The following MAPRE2 variants were observed in gnomAD, a reference collection of about 807,000 sequenced individuals.
MAPRE2 encodes microtubule associated protein RP/EB family member 2.
MAPRE2 carries 13 observed loss-of-function variants against 43.2 expected under a neutral mutation model. The ratio of observed to expected loss-of-function variants is 0.30; its 90% CI spans 0.20 to 0.48. The LOEUF (loss-of-function observed/expected upper bound fraction) is 0.48. Ranked by LOEUF, MAPRE2 falls within the 20% of genes least tolerant of loss-of-function variation. The probability of loss-of-function intolerance (pLI) is 0.99; values close to 1 mark genes in which losing one functional copy is unlikely to be tolerated. For synonymous variants in MAPRE2, 135 were observed against 148.8 expected (o/e 0.91, Z 0.68); for missense variants, 161 against 400.2 (o/e 0.40, Z 5.10).
chr18:35,005,392 G>A, intron 1 of MAPRE2: 1 of 618,826 alleles, frequency 1.6e-6, no homozygotes. Context: ...TTTTTCCATT[G>A]CTGGCCACAC....
chr18:35,085,636 G>A (rs774561412), intron 2 of MAPRE2, among the ~76,000 whole-genome samples: 1 of 152,184 alleles, frequency 6.6e-6, no homozygotes, highest in Non-Finnish European at 1.5e-5. Context: ...CTAGAAGCAA[G>A]AGCACTGGCA....
At position 35,112,272 on chromosome 18, in the gene MAPRE2, AG is replaced by A. The variant is rs566400674; in HGVS notation, c.610+10114del. 2.5e-3 allele frequency among the ~76,000 whole-genome samples: 373 copies of A among 151,688 alleles called. 2 individuals are homozygous for A. The highest frequency in any genetic ancestry group is 4.5e-3 in the Non-Finnish European group (304 of 67,920). On this transcript the variant is annotated intron_variant, in intron 4 of 6. Transcript: ENST00000300249. ...AACCTCCGCCTCCTGGGTTCAATCA[AG>A]CAATTCTGCTGTCTCAGCCTCCCGA...
At chr18:34,980,023 C>CTTTTTTTTTTTTTTTTTTTTTT (rs1450524683) in intron 1 of MAPRE2, among the ~76,000 whole-genome samples, 7 of 132,502 alleles carry the variant, frequency 5.3e-5, no homozygotes, top group African/African-American at 2.1e-4. Context: ...TTTTCTTTTT[C>CTTTTTTTTTTTTTTTTTTTTTT]TTTTTTTCTT....
Position 35,070,207 on chromosome 18 carries a change from G to A in MAPRE2, c.135G>A (p.Ala45=), listed in dbSNP as rs748932103. ...GTTTTTTTTCTAGTTGGGGAATGGC[G>A]GTCAATGTGTATTCTACCTCGATAA... is the stretch of plus-strand genomic sequence containing the variant. ...RGERSYSWGM[A]VNVYSTSITQ... is the part of the protein sequence containing the mutation. Residue 45 remains alanine (A), a synonymous_variant, in exon 2 of 7, where the codon GCG becomes GCA. Coordinates refer to ENST00000300249, the MANE Select transcript of MAPRE2 (RefSeq NM_014268.4). 8.2e-6 allele frequency: 13 copies of A among 1,588,146 alleles called. No homozygotes were observed. The highest frequency in any genetic ancestry group is 5.5e-5 in the Admixed American group (3 of 54,122).
chr18:35,099,373 G>T (rs1908571080), intron 3 of MAPRE2, among the ~76,000 whole-genome samples: 1 of 152,208 alleles, frequency 6.6e-6, no homozygotes, highest in African/African-American at 2.4e-5. Context: ...CCAACACTTT[G>T]GGAGGCCAAG....
intron 4 of MAPRE2, among the ~76,000 whole-genome samples, chr18:35,114,946 A>ATC (rs1909346273): frequency 6.6e-6 from 1 of 152,244 alleles, no homozygotes; most frequent in Non-Finnish European, 1.5e-5. Context: ...ACAGTGACTT[A>ATC]GGATTCATTC....
At chr18:35,100,868 C>G (rs377524942) in intron 3 of MAPRE2, among the ~76,000 whole-genome samples, 1 of 151,976 alleles carries the variant, frequency 6.6e-6, no homozygotes, top group Non-Finnish European at 1.5e-5. Flanking sequence ...TGTGAAACCC[C>G]GTCTCTACTA....
rs1025612079 is a variant in MAPRE2 at position 35,127,989 on chromosome 18, T to G, written c.750+902T>G. ...CTACCCTGCCGCTATGAGAGGAGCC[T>G]TTACTTCAGGGCCCCAGGCTGTTCC... is the stretch of plus-strand genomic sequence containing the variant. On this transcript the variant is annotated intron_variant, in intron 5 of 6. Transcript: ENST00000300249. 1.8e-4 allele frequency among the ~76,000 whole-genome samples: 28 copies of G among 152,202 alleles called. 1 individual carries two copies. The highest frequency in any genetic ancestry group is 5.8e-4 in the African/African-American group (24 of 41,442).
At chr18:35,004,003 A>G (rs1293880065) in intron 1 of MAPRE2, among the ~76,000 whole-genome samples, 1 of 152,204 alleles carries the variant, frequency 6.6e-6, no homozygotes, top group East Asian at 1.9e-4. Flanking sequence ...TACACCATTC[A>G]TGTTAAGTTT....
chr18:35,098,895 G>A (rs1908548066), intron 3 of MAPRE2, among the ~76,000 whole-genome samples: 1 of 152,198 alleles, frequency 6.6e-6, no homozygotes. Flanking sequence ...GAAGGAGACT[G>A]GCCATGATGG....
At chr18:35,026,339 C>G (rs1023886707) in intron 2 of MAPRE2, among the ~76,000 whole-genome samples, 2 of 152,110 alleles carry the variant, frequency 1.3e-5, no homozygotes, top group South Asian at 2.1e-4. Flanking sequence ...GAGAAGCTTC[C>G]TCATTAAATG....
At chr18:35,132,218 T>G in intron 6 of MAPRE2, 28 bp downstream of exon 6, 1 of 1,608,192 alleles carries the variant, frequency 6.2e-7, no homozygotes, top group Non-Finnish European at 8.5e-7. Context: ...GTGACTCCTG[T>G]GTTCTAAAAT....
chr18:35,113,018 T>G (rs910492426), intron 4 of MAPRE2, among the ~76,000 whole-genome samples: 3 of 152,184 alleles, frequency 2.0e-5, no homozygotes, highest in African/African-American at 7.2e-5. Flanking sequence ...TTGATCTCAT[T>G]CATGAGGGAT....
chr18:35,013,281 T>C (rs2097035964), intron 2 of MAPRE2, among the ~76,000 whole-genome samples: 1 of 152,070 alleles, frequency 6.6e-6, no homozygotes, highest in African/African-American at 2.4e-5. Context: ...GAAGAAGAGT[T>C]GATTTAAGGT....
intron 3 of MAPRE2, among the ~76,000 whole-genome samples, chr18:35,100,576 A>G (rs61537412): frequency 6.0e-4 from 91 of 152,224 alleles, no homozygotes; most frequent in Admixed American, 7.9e-4. Context: ...ATGCCCATCA[A>G]TGACAAATTG....
At position 35,140,596 on chromosome 18, in the gene MAPRE2, A is replaced by G; in HGVS notation, c.*227A>G. 3.9e-6 allele frequency: 2 copies of G among 511,958 alleles called. No homozygotes were observed. The highest frequency in any genetic ancestry group is 7.0e-6 in the Non-Finnish European group (2 of 285,916). 31.7% of individuals were successfully genotyped at this position (511,958 alleles called of 1,614,324 possible). On this transcript the variant is annotated 3_prime_UTR_variant, in exon 7 of 7. Transcript: ENST00000300249. ...CCTACCCGAGAGATCGTAGGGTCAC[A>G]TACATCCAACTTCACCACTTGGCTG...
intron 1 of MAPRE2, among the ~76,000 whole-genome samples, chr18:35,058,224 A>C (rs970946809): frequency 2.6e-5 from 4 of 152,178 alleles, no homozygotes; most frequent in Non-Finnish European, 4.4e-5. Context: ...ATTCACTGGA[A>C]TATTTTTTGC....
chr18:35,130,121 T>TGGA (rs1246944479), intron 5 of MAPRE2, among the ~76,000 whole-genome samples: 2 of 151,414 alleles, frequency 1.3e-5, no homozygotes, highest in East Asian at 3.9e-4. Context: ...TTTCGTGGGT[T>TGGA]GGATGTGTCC....
intron 4 of MAPRE2, among the ~76,000 whole-genome samples, chr18:35,124,588 C>A (rs763606095): frequency 2.6e-5 from 4 of 152,146 alleles, no homozygotes; most frequent in Non-Finnish European, 5.9e-5. Flanking sequence ...TTTTTAGGGG[C>A]CTCCAGTGCA....
Sources: allele counts gnomAD v4.1 joint callset (sites outside exome capture counted in the v4.1 genomes callset), GRCh38; gene constraint gnomAD v4.1.1; transcripts MANE v1.5; gene names NCBI Gene and HGNC (gene_info 2026-07-23, HGNC 2026-07-21).